SPATA13: variants seen among roughly 807,000 people sequenced by gnomAD.
The protein encoded by SPATA13 is spermatogenesis-associated protein 13.
SPATA13 carries 50 observed loss-of-function variants against 104.0 expected under a neutral mutation model. The observed-to-expected ratio is 0.48, with a 90% CI of 0.38 to 0.61. The LOEUF is 0.61. Ranked by LOEUF, SPATA13 falls within the 20% of genes least tolerant of loss-of-function variation. The pLI, the probability that SPATA13 is intolerant of heterozygous loss-of-function variation, is 0.00. For missense variants in SPATA13, 1,524 were observed against 1,690.6 expected, an observed-to-expected ratio of 0.90 and a Z score of 1.73; for synonymous variants, 606 against 667.5, an observed-to-expected ratio of 0.91 and a Z score of 1.42.
chr13:24,000,823 C>T (rs902217512), intron 2 of SPATA13, among the ~76,000 whole-genome samples: 1 of 151,840 alleles, frequency 6.6e-6, no homozygotes, highest in Non-Finnish European at 1.5e-5. Flanking sequence ...CGGGAGAACC[C>T]TGGGTGAGAG....
intron 1 of SPATA13, among the ~76,000 whole-genome samples, chr13:24,213,416 GCCA>G (rs1277246730): frequency 6.6e-6 from 1 of 152,118 alleles, no homozygotes; most frequent in Non-Finnish European, 1.5e-5. Flanking sequence ...ACAGGTGTGG[GCCA>G]CCATGCCCGG....
At chr13:24,116,343 T>A (rs1401994625) in intron 3 of SPATA13, among the ~76,000 whole-genome samples, 1 of 152,176 alleles carries the variant, frequency 6.6e-6, no homozygotes, top group Non-Finnish European at 1.5e-5. Flanking sequence ...AAGGCCCACC[T>A]CCATCAGAAG....
intron 3 of SPATA13, among the ~76,000 whole-genome samples, chr13:24,077,493 G>A (rs989414368): frequency 1.3e-5 from 2 of 152,074 alleles, no homozygotes; most frequent in East Asian, 1.9e-4. Flanking sequence ...AAGGGAGTGG[G>A]TGAGGGAAGA....
chr13:24,087,432 G>A (rs1383439190), intron 3 of SPATA13, among the ~76,000 whole-genome samples: 2 of 152,172 alleles, frequency 1.3e-5, no homozygotes, highest in Non-Finnish European at 2.9e-5. Flanking sequence ...GAAGACACCG[G>A]GAGAAAGTAG....
intron 3 of SPATA13, among the ~76,000 whole-genome samples, chr13:24,094,129 T>TG (rs1879994742): frequency 6.6e-6 from 1 of 152,188 alleles, no homozygotes; most frequent in South Asian, 2.1e-4. Flanking sequence ...AACAGGTTTG[T>TG]GGGGGGCACA....
At chr13:24,302,383 G>T (rs1295627208) in intron 12 of SPATA13, among the ~76,000 whole-genome samples, 1 of 147,702 alleles carries the variant, frequency 6.8e-6, no homozygotes, top group African/African-American at 2.5e-5. Context: ...GATCGCTTGA[G>T]CCTGGGAGGT....
chr13:24,250,967 A>C (rs1873444574), intron 3 of SPATA13, among the ~76,000 whole-genome samples: 1 of 152,250 alleles, frequency 6.6e-6, no homozygotes, highest in African/African-American at 2.4e-5. Flanking sequence ...GAGTGGGAAA[A>C]TTGTAAGAAA....
intron 3 of SPATA13, among the ~76,000 whole-genome samples, chr13:24,023,626 G>T (rs1877079992): frequency 6.6e-6 from 1 of 152,148 alleles, no homozygotes; most frequent in African/African-American, 2.4e-5. Flanking sequence ...AGAAAGCCCA[G>T]TGTAATAACA....
At chr13:24,081,877 A>G (rs554429867) in intron 3 of SPATA13, among the ~76,000 whole-genome samples, 7 of 152,060 alleles carry the variant, frequency 4.6e-5, no homozygotes, top group Admixed American at 6.5e-5. Flanking sequence ...CCCACAGACA[A>G]TGCTGGAATA....
intron 3 of SPATA13, among the ~76,000 whole-genome samples, chr13:24,042,218 T>G (rs537272988): frequency 9.2e-5 from 14 of 152,322 alleles, no homozygotes; most frequent in Non-Finnish European, 1.8e-4. Context: ...TGTGTCTCTT[T>G]TCTTACTCCT....
At chr13:24,009,916 G>T (rs1876394187) in intron 2 of SPATA13, among the ~76,000 whole-genome samples, 1 of 152,186 alleles carries the variant, frequency 6.6e-6, no homozygotes, top group African/African-American at 2.4e-5. Context: ...TTGGCCAAGA[G>T]GAGACATCCA....
chr13:24,202,462 T>C (rs1324113888), intron 1 of SPATA13, among the ~76,000 whole-genome samples: 1 of 151,494 alleles, frequency 6.6e-6, no homozygotes, highest in African/African-American at 2.4e-5. Context: ...GCTTGGGCGC[T>C]TTCTCCAGGT....
chr13:24,301,591 G>C (rs1325831679), intron 12 of SPATA13, among the ~76,000 whole-genome samples: 2 of 152,194 alleles, frequency 1.3e-5, no homozygotes, highest in Admixed American at 1.3e-4. Flanking sequence ...TTCACAGGTG[G>C]CTACCGGGTG....
intron 3 of SPATA13, among the ~76,000 whole-genome samples, chr13:24,146,558 ATAAT>A (rs892329396): frequency 1.1e-4 from 16 of 152,372 alleles, no homozygotes; most frequent in African/African-American, 3.6e-4. Flanking sequence ...AACCTGTATG[ATAAT>A]TAACACAGAG....
At chr13:24,191,831 G>A (rs1017234801) in intron 1 of SPATA13, among the ~76,000 whole-genome samples, 1 of 152,010 alleles carries the variant, frequency 6.6e-6, no homozygotes, top group African/African-American at 2.4e-5. Context: ...TAAAGCCCTT[G>A]CATCTCCTGC....
intron 2 of SPATA13, among the ~76,000 whole-genome samples, chr13:23,990,257 G>A (rs1205107147): frequency 6.6e-6 from 1 of 152,140 alleles, no homozygotes; most frequent in Non-Finnish European, 1.5e-5. Flanking sequence ...TTTATGAAAT[G>A]CAACTCTCTG....
At chr13:24,296,950 T>G (rs1026767132) in intron 10 of SPATA13, among the ~76,000 whole-genome samples, 2 of 152,318 alleles carry the variant, frequency 1.3e-5, no homozygotes, top group African/African-American at 4.8e-5. Flanking sequence ...CTGAGAAAGA[T>G]TCTGTGTTAG....
At chr13:24,219,387 T>C (rs1032660624) in intron 1 of SPATA13, among the ~76,000 whole-genome samples, 1 of 152,200 alleles carries the variant, frequency 6.6e-6, no homozygotes, top group African/African-American at 2.4e-5. Flanking sequence ...GAAACCCCAA[T>C]TTTTTGCATG....
chr13:24,205,861 C>T lies in SPATA13; in HGVS notation c.-111-16958C>T, dbSNP rs1664494426. On this transcript the variant is annotated intron_variant, in intron 1 of 12. Coordinates refer to ENST00000382108, the MANE Select transcript of SPATA13 (RefSeq NM_001166271.3). This position sits in a 1 kb window ranked among gnomAD's most constrained non-coding sequence, Gnocchi z 4.1. ...AGGATACCCTATTTAATAAATGGTG[C>T]TCGGAGAACAAGCTAGCAGAAAATT... Among the ~76,000 whole-genome samples the T allele has an allele frequency of 6.6e-6, 1 of 152,088 alleles. No individual in the cohort carries two copies. The highest frequency in any genetic ancestry group is 1.5e-5 in the Non-Finnish European group (1 of 68,002).
Sources: allele counts gnomAD v4.1 joint callset (sites outside exome capture counted in the v4.1 genomes callset), GRCh38; gene constraint gnomAD v4.1.1; non-coding constraint Gnocchi (gnomAD v3.1); transcripts MANE v1.5; gene names NCBI Gene and HGNC (gene_info 2026-07-23, HGNC 2026-07-21).